Variants in ANO6 observed in about 807,000 individuals in gnomAD.
ANO6 encodes anoctamin 6, also known as anoctamin-6.
Under a neutral mutation model 117.5 loss-of-function variants are expected in ANO6, and 106 were observed. The ratio of observed to expected loss-of-function variants is 0.90; its 90% CI spans 0.77 to 1.06. The LOEUF (loss-of-function observed/expected upper bound fraction) is 1.06, where lower values mean the gene tolerates loss of function less well. Ranked by LOEUF, ANO6 falls within the 50% of genes least tolerant of loss-of-function variation. The pLI is 0.00. For missense variants in ANO6, 955 were observed against 1,121.1 expected (o/e 0.85, Z 2.12); for synonymous variants, 367 against 385.1 (o/e 0.95, Z 0.55).
chr12:45,327,382 A>C (rs943876554), intron 2 of ANO6, among the ~76,000 whole-genome samples: 1 of 152,218 alleles, frequency 6.6e-6, no homozygotes, highest in Non-Finnish European at 1.5e-5. Flanking sequence ...TTTAGCAACC[A>C]GTGTATCAAA....
intron 3 of ANO6, among the ~76,000 whole-genome samples, chr12:45,336,053 T>C (rs1940815139): frequency 6.6e-6 from 1 of 152,036 alleles, no homozygotes; most frequent in Non-Finnish European, 1.5e-5. Context: ...CACTATTGTA[T>C]TGTTCCTGAT....
chr12:45,233,450 A>G (rs1947603675), intron 1 of ANO6, among the ~76,000 whole-genome samples: 2 of 152,130 alleles, frequency 1.3e-5, no homozygotes, highest in Non-Finnish European at 2.9e-5. Context: ...TTCATATGTG[A>G]TTGAAACTAG....
intron 2 of ANO6, among the ~76,000 whole-genome samples, chr12:45,327,638 G>T (rs1395396047): frequency 6.6e-6 from 1 of 152,126 alleles, no homozygotes; most frequent in Admixed American, 6.6e-5. Context: ...AAAACAGTAT[G>T]TATAATATGG....
intron 2 of ANO6, among the ~76,000 whole-genome samples, chr12:45,310,874 G>A (rs985724339): frequency 1.3e-5 from 2 of 151,564 alleles, no homozygotes; most frequent in Non-Finnish European, 2.9e-5. Context: ...CATAAATGGA[G>A]ACACTGGAGC....
chr12:45,267,473 T>C (rs1490048535), intron 1 of ANO6, among the ~76,000 whole-genome samples: 1 of 152,188 alleles, frequency 6.6e-6, no homozygotes, highest in Non-Finnish European at 1.5e-5. Context: ...TGGGGAGTTA[T>C]GATTCCATAA....
intron 1 of ANO6, among the ~76,000 whole-genome samples, chr12:45,254,196 G>C (rs1299820430): frequency 6.6e-6 from 1 of 152,200 alleles, no homozygotes. Flanking sequence ...TTACGAATGA[G>C]GAAGTTTGTG....
chr12:45,377,781 G>C (rs1942067824), intron 9 of ANO6, among the ~76,000 whole-genome samples: 1 of 152,136 alleles, frequency 6.6e-6, no homozygotes, highest in Non-Finnish European at 1.5e-5. Context: ...TGGAATTCTA[G>C]GAACTATACC....
At chr12:45,307,347 C>T (rs188974045) in intron 2 of ANO6, among the ~76,000 whole-genome samples, 1 of 152,076 alleles carries the variant, frequency 6.6e-6, no homozygotes, top group Non-Finnish European at 1.5e-5. Context: ...GAGACATACT[C>T]AAATTCTGAA....
At chr12:45,334,779 G>A (rs899972929) in intron 3 of ANO6, among the ~76,000 whole-genome samples, 2 of 151,998 alleles carry the variant, frequency 1.3e-5, no homozygotes, top group Non-Finnish European at 2.9e-5. Context: ...ATCTAAATAT[G>A]TTTGATCCAT....
chr12:45,253,819 G>A (rs974556932), intron 1 of ANO6, among the ~76,000 whole-genome samples: 20 of 152,110 alleles, frequency 1.3e-4, no homozygotes, highest in African/African-American at 3.4e-4. Context: ...TTTGGTTTAC[G>A]CTTTAGGTTT....
At position 45,424,628 on chromosome 12, in the gene ANO6, C is replaced by T. The variant is rs145486038; in HGVS notation, c.2526+1566C>T. ...CTAGGATTATAGGCATGAGCCACTG[C>T]GCCCGGCCTAGGTGATGGGCTTTAA... On this transcript the variant is annotated intron_variant, in intron 19 of 19. Coordinates refer to ENST00000320560, the MANE Select transcript of ANO6 (RefSeq NM_001025356.3). 1.6e-4 allele frequency among the ~76,000 whole-genome samples: 25 copies of T among 152,128 alleles called. 1 individual carries two copies. The highest frequency in any genetic ancestry group is 6.8e-3 in the Middle Eastern group (2 of 292).
At position 45,430,126 on chromosome 12, in the gene ANO6, A is replaced by G; in HGVS notation, c.*815A>G. The G allele has an allele frequency of 2.0e-6, 2 of 985,432 alleles. No homozygotes were observed. Among genetic ancestry groups the G allele is most frequent in the Non-Finnish European group, 2.4e-6 (2 of 829,902 alleles). 61.0% of individuals were successfully genotyped at this position (985,432 alleles called of 1,614,324 possible). ...CATTTTAACTCATGTTGATCTGGAT[A>G]ATTAATCTTTTCTAAAGATGTGTAG... On this transcript the variant is annotated 3_prime_UTR_variant, in exon 20 of 20. Transcript: ENST00000320560.
At chr12:45,327,338 G>T (rs1940503895) in intron 2 of ANO6, among the ~76,000 whole-genome samples, 1 of 152,144 alleles carries the variant, frequency 6.6e-6, no homozygotes, top group Non-Finnish European at 1.5e-5. Flanking sequence ...CCCTCTGGTG[G>T]ATACGTTGAT....
At chr12:45,332,854 G>A (rs1318119646) in intron 3 of ANO6, among the ~76,000 whole-genome samples, 2 of 152,052 alleles carry the variant, frequency 1.3e-5, no homozygotes, top group Non-Finnish European at 2.9e-5. Context: ...TGGCCTCAAA[G>A]TAACTACATC....
At chr12:45,261,387 A>C (rs181694080) in intron 1 of ANO6, among the ~76,000 whole-genome samples, 3 of 152,366 alleles carry the variant, frequency 2.0e-5, no homozygotes, top group Admixed American at 2.0e-4. Context: ...AAGAGGGGAA[A>C]GGAAGGAAAT....
At chr12:45,376,379 G>A (rs1942018400) in intron 9 of ANO6, among the ~76,000 whole-genome samples, 1 of 135,004 alleles carries the variant, frequency 7.4e-6, no homozygotes, top group Non-Finnish European at 1.5e-5. Flanking sequence ...TATAAATCAT[G>A]CTGCTATAAA....
chr12:45,397,051 A>G (rs1378452989), intron 12 of ANO6, among the ~76,000 whole-genome samples: 3 of 152,242 alleles, frequency 2.0e-5, no homozygotes, highest in African/African-American at 7.2e-5. Context: ...ATCAGAGTGA[A>G]TAGGCAACCT....
intron 6 of ANO6, 46 bp from the exon 7 acceptor site, chr12:45,350,613 A>G (rs942684149): frequency 6.7e-7 from 1 of 1,483,804 alleles, no homozygotes; most frequent in Non-Finnish European, 9.4e-7. Context: ...CAGATTTGTG[A>G]AAACACGATG....
At chr12:45,427,311 T>A (rs948907393) in intron 19 of ANO6, among the ~76,000 whole-genome samples, 2 of 152,116 alleles carry the variant, frequency 1.3e-5, no homozygotes, top group Non-Finnish European at 2.9e-5. Flanking sequence ...GCCTCATGGA[T>A]CCAGCCACGC....
Sources: allele counts gnomAD v4.1 joint callset (sites outside exome capture counted in the v4.1 genomes callset), GRCh38; gene constraint gnomAD v4.1.1; transcripts MANE v1.5; gene names NCBI Gene and HGNC (gene_info 2026-07-23, HGNC 2026-07-21).